Variants in CBLN2 observed in about 807,000 individuals in gnomAD.
CBLN2 encodes the protein cerebellin-2.
In CBLN2, 7 loss-of-function variants were observed where a neutral mutation model predicts 15.0. The observed-to-expected ratio is 0.47, with a 90% CI of 0.27 to 0.88. The LOEUF (loss-of-function observed/expected upper bound fraction) is 0.88, where lower values mean the gene tolerates loss of function less well. CBLN2 is among the 40% of genes least tolerant of loss of function. The pLI, the probability that CBLN2 is intolerant of heterozygous loss-of-function variation, is 0.14. For missense variants in CBLN2, 242 were observed against 304.5 expected, an observed-to-expected ratio of 0.79 and a Z score of 1.53; for synonymous variants, 149 against 135.2, an observed-to-expected ratio of 1.10 and a Z score of -0.71.
intron 1 of CBLN2, among the ~76,000 whole-genome samples, chr18:72,607,695 T>TCTC (rs1568130257): frequency 2.6e-5 from 3 of 115,110 alleles, no homozygotes; most frequent in South Asian, 3.1e-4. Context: ...CTCTCTCTCT[T>TCTC]TCTCTCTTTC....
intron 1 of CBLN2, among the ~76,000 whole-genome samples, chr18:72,590,271 A>C (rs2069471628): frequency 6.6e-6 from 1 of 151,736 alleles, no homozygotes; most frequent in Non-Finnish European, 1.5e-5. Flanking sequence ...TCTCAAAAAA[A>C]CAAAAAACAA....
chr18:72,560,004 G>T (rs1409661545), intron 1 of CBLN2, among the ~76,000 whole-genome samples: 2 of 152,076 alleles, frequency 1.3e-5, no homozygotes, highest in African/African-American at 2.4e-5. Flanking sequence ...AATAATATCA[G>T]CTCTCTTCTC....
At chr18:72,584,930 G>A (rs1207875583) in intron 1 of CBLN2, among the ~76,000 whole-genome samples, 2 of 152,164 alleles carry the variant, frequency 1.3e-5, no homozygotes, top group African/African-American at 2.4e-5. Context: ...CCAAAGGTGA[G>A]CCAGGCACAG....
At chr18:72,608,532 T>A (rs2069599784) in intron 1 of CBLN2, among the ~76,000 whole-genome samples, 1 of 152,230 alleles carries the variant, frequency 6.6e-6, no homozygotes, top group African/African-American at 2.4e-5. Flanking sequence ...CACATTTTTC[T>A]AAATTCCTGA....
rs1473066296 is a variant in CBLN2, at chr18:72,625,824, A to C, written c.15+12501T>G. On this transcript the variant is annotated intron_variant, in intron 1 of 2. Coordinates refer to the CBLN2 transcript ENST00000581073. ...TCTCTCTCTCTCTCTCTCTCTATAT[A>C]TATATATATATATATATATAGTACA... Among the ~76,000 whole-genome samples, 111 of 110,094 alleles carry C rather than the reference A, an allele frequency of 1.0e-3. 1 individual carries two copies. The highest frequency in any genetic ancestry group is 3.5e-3 in the African/African-American group (99 of 27,934). The allele number at this position is 110,094 out of a possible 152,430, so 72.2% of individuals were successfully genotyped here.
upstream of CBLN2, among the ~76,000 whole-genome samples, chr18:72,547,600 G>A (rs1028654332): frequency 2.6e-5 from 4 of 151,818 alleles, no homozygotes; most frequent in African/African-American, 9.7e-5. Context: ...TGAGCTACAG[G>A]TATGATTTTA....
In CBLN2 at chr18:72,632,685, T is replaced by C. The variant is rs2069785062; in HGVS notation, c.15+5640A>G. On this transcript the variant is annotated intron_variant, in intron 1 of 2. Coordinates refer to the CBLN2 transcript ENST00000581073. ...CTCCTTAACATGATAGAAATAAACT[T>C]AGCTCAGATGTCTCTTTCAAATGTT... is the stretch of plus-strand genomic sequence containing the variant. 2.6e-5 allele frequency among the ~76,000 whole-genome samples: 4 copies of C among 152,316 alleles called. No homozygotes were observed. The South Asian group carries it at 8.3e-4, about 32-fold the overall frequency.
chr18:72,596,238 G>A (rs1238898374), intron 1 of CBLN2, among the ~76,000 whole-genome samples: 1 of 151,848 alleles, frequency 6.6e-6, no homozygotes, highest in African/African-American at 2.4e-5. Context: ...TATTGCCCAT[G>A]ATTTGAAACT....
chr18:72,555,243 G>A (rs141927248), intron 1 of CBLN2, among the ~76,000 whole-genome samples: 4 of 152,280 alleles, frequency 2.6e-5, no homozygotes, highest in African/African-American at 7.2e-5. Context: ...CACTCTAAAG[G>A]TGCCCTCGGC....
intron 1 of CBLN2, chr18:72,552,473 A>G (rs1334102676): frequency 1.3e-5 from 2 of 152,210 alleles, no homozygotes; most frequent in East Asian, 3.8e-4. Flanking sequence ...ATACATAAAA[A>G]TCAACAAACT....
In CBLN2 at chr18:72,543,198, C is replaced by T. The variant is rs115534976; in HGVS notation, c.-167+288G>A. 2.5e-3 allele frequency: 765 copies of T among 302,974 alleles called. 5 individuals carry two copies. The highest frequency in any genetic ancestry group is 0.015 in the African/African-American group (716 of 46,362). 18.8% of individuals were successfully genotyped at this position (302,974 alleles called of 1,614,324 possible). ...CCCGTCTGCACTTTTGCCCCGTCCC[C>T]GCTCCTCCCAGGAAAGCAGACAGGC... is the stretch of plus-strand genomic sequence containing the variant. On this transcript the variant is annotated intron_variant, in intron 2 of 4. Transcript: ENST00000269503. This position sits in a 1 kb window ranked among gnomAD's most constrained non-coding sequence, Gnocchi z 6.8.
intron 1 of CBLN2, among the ~76,000 whole-genome samples, chr18:72,589,297 T>C (rs2069463407): frequency 6.6e-6 from 1 of 152,198 alleles, no homozygotes; most frequent in Admixed American, 6.5e-5. Context: ...CTAAGTTGAC[T>C]GACAGGAGAA....
At chr18:72,555,128 C>A (rs1291652931) in intron 1 of CBLN2, among the ~76,000 whole-genome samples, 1 of 148,946 alleles carries the variant, frequency 6.7e-6, no homozygotes, top group Non-Finnish European at 1.5e-5. Flanking sequence ...GAACGAGATT[C>A]TGTCTTTAAA....
chr18:72,623,805 G>A (rs2069716462), intron 1 of CBLN2, among the ~76,000 whole-genome samples: 1 of 152,152 alleles, frequency 6.6e-6, no homozygotes, highest in African/African-American at 2.4e-5. Flanking sequence ...AAGTGCTGCG[G>A]CATGACAAGG....
chr18:72,552,575 C>T (rs941690296), intron 1 of CBLN2: 6 of 152,090 alleles, frequency 3.9e-5, no homozygotes, highest in Admixed American at 2.0e-4. Flanking sequence ...ACTCACAAAA[C>T]ATGAAGTGAA....
At chr18:72,598,402 G>A (rs2069526599) in intron 1 of CBLN2, among the ~76,000 whole-genome samples, 1 of 152,190 alleles carries the variant, frequency 6.6e-6, no homozygotes, top group Non-Finnish European at 1.5e-5. Flanking sequence ...TTCTACTGTG[G>A]CTAAGCTGGT....
rs145290226 is a variant in CBLN2 at position 72,538,179 on chromosome 18, T to A, written c.672A>T (p.Leu224=). 5.0e-6 allele frequency: 8 copies of A among 1,613,976 alleles called. No homozygotes were observed. The highest frequency in any genetic ancestry group is 6.8e-6 in the Non-Finnish European group (8 of 1,180,000). ...STFSGFLVFP[L] ...CACCATCTAGGGGGCTCTGTGTTTA[T>A]AGAGGAAACACCAAGAAGCCCGAGA... The change falls in exon 5 of 5, where the codon CTA becomes CTT. Residue 224 remains leucine (L), a synonymous_variant. Coordinates refer to ENST00000269503, the MANE Select transcript of CBLN2 (RefSeq NM_182511.4).
chr18:72,595,043 A>G (rs1159871123), intron 1 of CBLN2, among the ~76,000 whole-genome samples: 1 of 144,576 alleles, frequency 6.9e-6, no homozygotes, highest in Non-Finnish European at 1.5e-5. Flanking sequence ...TTCTGCTCTG[A>G]TCTTTATTAT....
At chr18:72,619,658 T>C (rs888092033) in intron 1 of CBLN2, among the ~76,000 whole-genome samples, 3 of 152,208 alleles carry the variant, frequency 2.0e-5, no homozygotes, top group Non-Finnish European at 4.4e-5. Flanking sequence ...GATTGTTTTT[T>C]GCCCTTGATT....
Sources: gnomAD v4.1 joint callset for allele counts (sites outside exome capture counted in the v4.1 genomes callset) on GRCh38, gnomAD v4.1.1 for gene constraint, Gnocchi (gnomAD v3.1) non-coding constraint, MANE v1.5 for transcripts, NCBI Gene and HGNC (gene_info 2026-07-23, HGNC 2026-07-21) for gene names.